The following GAB2 variants were observed in gnomAD, a reference collection of about 807,000 sequenced individuals.
The protein encoded by GAB2 is GRB2 associated binding protein 2, also known as GRB2-associated-binding protein 2.
Under a neutral mutation model 65.5 loss-of-function variants are expected in GAB2, and 26 were observed. That is an observed-to-expected ratio of 0.40 (90% CI 0.29 to 0.55). The LOEUF is 0.55. GAB2 is among the 20% of genes least tolerant of loss of function. GAB2 has a pLI of 0.53. For synonymous variants in GAB2, 321 were observed against 329.6 expected (o/e 0.97, Z 0.28); for missense variants, 884 against 875.8 (o/e 1.01, Z -0.12).
chr11:78,236,601 T>C (rs1864988285), intron 3 of GAB2, among the ~76,000 whole-genome samples: 1 of 152,230 alleles, frequency 6.6e-6, no homozygotes, highest in Non-Finnish European at 1.5e-5. Flanking sequence ...AGCTATAGGG[T>C]TCCTTAGAAG....
chr11:78,346,719 ATAATT>A (rs1367378937), intron 1 of GAB2, among the ~76,000 whole-genome samples: 4 of 36,628 alleles, frequency 1.1e-4, no homozygotes, highest in East Asian at 1.7e-3. Context: ...ATATATATAT[ATAATT>A]TTTTTTTTTT....
chr11:78,230,721 G>A (rs1477563278), intron 3 of GAB2, among the ~76,000 whole-genome samples: 2 of 152,230 alleles, frequency 1.3e-5, no homozygotes, highest in Non-Finnish European at 1.5e-5. Context: ...GTTGAACAAG[G>A]GACTCTTGCC....
At chr11:78,249,089 A>AG (rs1199012220) in intron 3 of GAB2, among the ~76,000 whole-genome samples, 1 of 152,222 alleles carries the variant, frequency 6.6e-6, no homozygotes, top group Non-Finnish European at 1.5e-5. Context: ...CAGATGACTC[A>AG]GAAAAACAAA....
intron 1 of GAB2, among the ~76,000 whole-genome samples, chr11:78,335,188 G>A (rs1399828019): frequency 6.6e-6 from 1 of 152,106 alleles, no homozygotes; most frequent in Non-Finnish European, 1.5e-5. Context: ...CCATTTTGTG[G>A]GTTGTCTCTT....
In GAB2 at chr11:78,220,396, C is replaced by T. The variant is rs769681839; in HGVS notation, c.1810G>A (p.Ala604Thr). The change falls in exon 9 of 10, where the codon GCC becomes ACC. Residue 604 changes from alanine to threonine, a missense_variant. By Grantham distance (58) the Ala-to-Thr change is moderately conservative. Transcript: ENST00000361507. ...ACGCTGCCGGTGCTCTTCTTAGGGG[C>T]AGGACTGTTCGTGCCACTGGGAACG... ...SPVPSGTNSP[A>T]PKKSTGSVDY... 1.4e-5 allele frequency: 22 copies of T among 1,605,010 alleles called. No individual in the cohort carries two copies. The highest frequency in any genetic ancestry group is 1.8e-5 in the Non-Finnish European group (21 of 1,173,224).
At chr11:78,221,827 G>T (rs141147842) in intron 7 of GAB2, 48 bp from the exon 8 acceptor site, 2 of 1,346,462 alleles carry the variant, frequency 1.5e-6, no homozygotes, top group Non-Finnish European at 2.1e-6. Flanking sequence ...CATGGCTGCT[G>T]CCATGTTTCT....
At chr11:78,220,619 G>C (rs369234862) in intron 8 of GAB2, among the ~76,000 whole-genome samples, 175 bp from the exon 9 acceptor site, 2 of 152,278 alleles carry the variant, frequency 1.3e-5, no homozygotes, top group African/African-American at 4.8e-5. Flanking sequence ...CTGTAAGGTA[G>C]GTATGATTAC....
chr11:78,359,604 T>G (rs1176817174), intron 1 of GAB2, among the ~76,000 whole-genome samples: 1 of 151,962 alleles, frequency 6.6e-6, no homozygotes, highest in African/African-American at 2.4e-5. Flanking sequence ...AGATGGAAGG[T>G]CTGACATAAA....
intron 1 of GAB2, among the ~76,000 whole-genome samples, chr11:78,402,236 G>A (rs183225123): frequency 6.6e-6 from 1 of 151,874 alleles, no homozygotes; most frequent in African/African-American, 2.4e-5. Flanking sequence ...CCCTCTACCT[G>A]AAAAACCTTC....
In GAB2 at chr11:78,333,661, T is replaced by C. The variant is rs558957633; in HGVS notation, c.76-52760A>G. 9.3e-4 allele frequency among the ~76,000 whole-genome samples: 142 copies of C among 152,316 alleles called. 1 individual carries two copies. Among genetic ancestry groups the C allele is most frequent in the African/African-American group, 3.3e-3 (138 of 41,574 alleles). ...TCCTGTGTGATTAGTCTAGGGAGAC[T>C]GGGCAGGGAGAACAGTAAGTTTTTC... is the stretch of plus-strand genomic sequence containing the variant. On this transcript the variant is annotated intron_variant, in intron 1 of 9. Coordinates refer to ENST00000361507, the MANE Select transcript of GAB2 (RefSeq NM_080491.3).
At chr11:78,382,445 C>T (rs1173174887) in intron 1 of GAB2, among the ~76,000 whole-genome samples, 1 of 151,036 alleles carries the variant, frequency 6.6e-6, no homozygotes, top group Admixed American at 6.6e-5. Context: ...GTGGCGGGAT[C>T]TCGGCTCACT....
chr11:78,305,796 C>A (rs1038461721), intron 1 of GAB2, among the ~76,000 whole-genome samples: 2 of 152,130 alleles, frequency 1.3e-5, no homozygotes, highest in African/African-American at 4.8e-5. Context: ...GGATGCATTC[C>A]CAAGGTCTCA....
At chr11:78,325,640 AT>A (rs1565160390) in intron 1 of GAB2, among the ~76,000 whole-genome samples, 2 of 152,198 alleles carry the variant, frequency 1.3e-5, no homozygotes, top group Non-Finnish European at 2.9e-5. Context: ...TAAGAACTCT[AT>A]CTGTGTTCTG....
intron 1 of GAB2, 50 bp downstream of exon 1, chr11:78,417,596 G>T: frequency 9.7e-7 from 1 of 1,026,982 alleles, no homozygotes; most frequent in Non-Finnish European, 1.3e-6. Flanking sequence ...CCCCTCCGCA[G>T]GCCCCGGAGC....
chr11:78,404,984 A>T (rs1857022908), intron 1 of GAB2, among the ~76,000 whole-genome samples: 1 of 152,182 alleles, frequency 6.6e-6, no homozygotes, highest in Admixed American at 6.5e-5. Flanking sequence ...TTGTATCAAA[A>T]TTTCACATCT....
rs766598059 is a variant in GAB2, at chr11:78,216,723, T to C, written c.*2549A>G. ...CTCACATCATGGCACACTCAGAACATGCTCACATGTTTATGGGAGGCTGCA... is the reference window on the plus strand; with the variant it reads ...CTCACATCATGGCACACTCAGAACACGCTCACATGTTTATGGGAGGCTGCA... On this transcript the variant is annotated 3_prime_UTR_variant, in exon 10 of 10. Transcript: ENST00000361507. The C allele has an allele frequency of 6.6e-6, 1 of 152,268 alleles. No homozygotes were observed. The highest frequency in any genetic ancestry group is 1.5e-5 in the Non-Finnish European group (1 of 68,084). 9.4% of individuals were successfully genotyped at this position (152,268 alleles called of 1,614,324 possible).
chr11:78,255,215 C>A (rs1865564666), intron 2 of GAB2, among the ~76,000 whole-genome samples: 1 of 152,106 alleles, frequency 6.6e-6, no homozygotes. Flanking sequence ...GGACTGCTGG[C>A]AGCCACCAGG....
At chr11:78,244,517 A>G (rs1337948154) in intron 3 of GAB2, among the ~76,000 whole-genome samples, 1 of 152,148 alleles carries the variant, frequency 6.6e-6, no homozygotes, top group South Asian at 2.1e-4. Context: ...TCTGCAAGCT[A>G]TTCATCTGAT....
chr11:78,257,268 T>A (rs1400747821), intron 2 of GAB2, among the ~76,000 whole-genome samples: 2 of 152,094 alleles, frequency 1.3e-5, no homozygotes, highest in African/African-American at 4.8e-5. Context: ...ACTGGCCAAA[T>A]AATGACTAGT....
Sources: gnomAD v4.1 joint callset for allele counts (sites outside exome capture counted in the v4.1 genomes callset) on GRCh38, gnomAD v4.1.1 for gene constraint, MANE v1.5 for transcripts, NCBI Gene and HGNC (gene_info 2026-07-23, HGNC 2026-07-21) for gene names.